Variants in SRGAP1 observed in about 807,000 individuals in gnomAD.
SRGAP1 encodes SLIT-ROBO Rho GTPase activating protein 1, also known as SLIT-ROBO Rho GTPase-activating protein 1.
In SRGAP1, 43 loss-of-function variants were observed where a neutral mutation model predicts 121.9. That is an observed-to-expected ratio of 0.35 (90% CI 0.28 to 0.46). The LOEUF (loss-of-function observed/expected upper bound fraction) is 0.46, where lower values mean the gene tolerates loss of function less well. SRGAP1 is among the 20% of genes least tolerant of loss of function. The pLI is 1.00. For synonymous variants in SRGAP1, 447 were observed against 485.4 expected (o/e 0.92, Z 1.04); for missense variants, 1,102 against 1,350.9 (o/e 0.82, Z 2.89).
rs199791976 is a variant in SRGAP1, at chr12:64,000,276, A to G, written c.426+10204A>G. Among the ~76,000 whole-genome samples, 290 of 56,292 alleles carry G rather than the reference A, an allele frequency of 5.2e-3. 2 individuals are homozygous for G. The highest frequency in any genetic ancestry group is 7.4e-3 in the Non-Finnish European group (179 of 24,084). 36.9% of individuals were successfully genotyped at this position (56,292 alleles called of 152,430 possible). ...TGTGTGTGTGTGTGTGTGTGTGTGT[A>G]AAAAAAAAAAACCAGGATGTTAGGA... On this transcript the variant is annotated intron_variant, in intron 3 of 21. Coordinates refer to ENST00000355086, the MANE Select transcript of SRGAP1 (RefSeq NM_020762.4).
At position 64,001,711 on chromosome 12, in the gene SRGAP1, C is replaced by T. The variant is rs181073653; in HGVS notation, c.426+11639C>T. 3.6e-3 allele frequency among the ~76,000 whole-genome samples: 547 copies of T among 152,284 alleles called. 2 individuals carry two copies. Among genetic ancestry groups the T allele is most frequent in the Non-Finnish European group, 4.9e-3 (330 of 68,032 alleles). ...AAGAAAGAACACAGCCAAGCCAGCTCACAACAGAAGAACCTCCCAGCTGGC... is the reference window on the plus strand; with the variant it reads ...AAGAAAGAACACAGCCAAGCCAGCTTACAACAGAAGAACCTCCCAGCTGGC... On this transcript the variant is annotated intron_variant, in intron 3 of 21. Transcript: ENST00000355086.
At chr12:64,005,256 A>G (rs545159685) in intron 3 of SRGAP1, among the ~76,000 whole-genome samples, 6 of 152,350 alleles carry the variant, frequency 3.9e-5, no homozygotes, top group South Asian at 2.1e-4. Context: ...TAGTAAATAA[A>G]CACAAGCACT....
intron 15 of SRGAP1, among the ~76,000 whole-genome samples, chr12:64,101,733 G>A (rs1030662970): frequency 2.6e-5 from 4 of 152,018 alleles, no homozygotes; most frequent in African/African-American, 4.8e-5. Context: ...GATTTCCTAG[G>A]GCATAAGTTC....
At chr12:63,963,301 T>C (rs61411778) in intron 1 of SRGAP1, among the ~76,000 whole-genome samples, 1,601 of 152,312 alleles carry the variant, frequency 0.011, 37 homozygotes, top group African/African-American at 0.035. Flanking sequence ...TTTAAGTTTT[T>C]CTCGGAACTG....
intron 10 of SRGAP1, among the ~76,000 whole-genome samples, chr12:64,085,735 C>T (rs2035925477): frequency 6.6e-6 from 1 of 152,150 alleles, no homozygotes; most frequent in Admixed American, 6.5e-5. Flanking sequence ...TTTTCTTCTC[C>T]TCCAAGGTAG....
At chr12:63,974,753 C>A (rs926490599) in intron 1 of SRGAP1, among the ~76,000 whole-genome samples, 2 of 152,142 alleles carry the variant, frequency 1.3e-5, no homozygotes, top group Admixed American at 1.3e-4. Context: ...CTTAGGGAGT[C>A]ATATTTTCCT....
At position 64,063,090 on chromosome 12, in the gene SRGAP1, G is replaced by A. The variant is rs745401734; in HGVS notation, c.975G>A (p.Ala325=). 8.7e-6 allele frequency: 14 copies of A among 1,613,912 alleles called. No individual in the cohort carries two copies. Among genetic ancestry groups the A allele is most frequent in the South Asian group, 6.6e-5 (6 of 91,076 alleles). ...KQRFMEMYPA[A]FCPPMKFEFQ... is the part of the protein sequence containing the mutation. ...GATTCATGGAGATGTACCCTGCTGC[G>A]TTCTGTCCACCAATGAAGTTTGAGT... The change falls in exon 7 of 22, where the codon GCG becomes GCA. Residue 325 remains alanine (A), a synonymous_variant. Transcript: ENST00000355086.
chr12:63,861,666 T>C (rs1459651786), intron 1 of SRGAP1, among the ~76,000 whole-genome samples: 1 of 152,166 alleles, frequency 6.6e-6, no homozygotes, highest in East Asian at 1.9e-4. Context: ...TCCATGATTA[T>C]TATTTCTGTG....
At chr12:63,914,200 T>G (rs968642613) in intron 1 of SRGAP1, among the ~76,000 whole-genome samples, 2 of 152,222 alleles carry the variant, frequency 1.3e-5, no homozygotes, top group East Asian at 3.8e-4. Context: ...CATACTGTAA[T>G]TAACGGTTTA....
At position 64,116,341 on chromosome 12, in the gene SRGAP1, A is replaced by G. The variant is rs928545281; in HGVS notation, c.2224+448A>G. On this transcript the variant is annotated intron_variant, in intron 18 of 21. Transcript: ENST00000355086. ...AAAAATAACATTACAATGAAAACCA[A>G]TGAAACCACCACCAAGCTTAAGAAA... 5.9e-5 allele frequency among the ~76,000 whole-genome samples: 9 copies of G among 152,058 alleles called. No individual in the cohort carries two copies. The South Asian group carries it at 1.5e-3, about 25-fold the overall frequency.
At chr12:64,065,638 G>A (rs566224016) in intron 8 of SRGAP1, among the ~76,000 whole-genome samples, 8 of 152,280 alleles carry the variant, frequency 5.3e-5, no homozygotes, top group South Asian at 2.1e-4. Context: ...TCAAACTGCC[G>A]GCTTCAAGCA....
intron 6 of SRGAP1, among the ~76,000 whole-genome samples, chr12:64,049,443 G>A (rs555148579): frequency 3.3e-5 from 5 of 152,178 alleles, no homozygotes; most frequent in African/African-American, 1.2e-4. Flanking sequence ...ATGGCAGCAC[G>A]AAAGAGATGT....
chr12:63,907,744 A>AAC (rs57065178), intron 1 of SRGAP1, among the ~76,000 whole-genome samples: 8 of 151,116 alleles, frequency 5.3e-5, no homozygotes, highest in Non-Finnish European at 8.9e-5. Flanking sequence ...AGTTCAACTT[A>AAC]TTTTTTATTT....
chr12:64,094,161 A>C (rs539562732), intron 12 of SRGAP1, among the ~76,000 whole-genome samples: 1 of 152,238 alleles, frequency 6.6e-6, no homozygotes, highest in African/African-American at 2.4e-5. Flanking sequence ...CTTTAACTTC[A>C]TGGAGTACAT....
At position 64,115,795 on chromosome 12, in the gene SRGAP1, T is replaced by A; in HGVS notation, c.2145-19T>A. On this transcript the variant is annotated intron_variant, in intron 17 of 21. Coordinates refer to ENST00000355086, the MANE Select transcript of SRGAP1 (RefSeq NM_020762.4). ...TTGTCTATTTTAATTTCATATGAAT[T>A]TCCATTTGTATTCTACAGCGACAGC... 1 of 1,606,470 alleles carries A rather than the reference T, an allele frequency of 6.2e-7. No homozygotes were observed. Among genetic ancestry groups the A allele is most frequent in the Non-Finnish European group, 8.5e-7 (1 of 1,175,682 alleles).
intron 21 of SRGAP1, among the ~76,000 whole-genome samples, chr12:64,129,860 A>G (rs1229278159): frequency 1.3e-5 from 2 of 152,264 alleles, no homozygotes; most frequent in Admixed American, 6.5e-5. Context: ...AAAGAAGGAA[A>G]TACTCATGAC....
At chr12:63,911,697 A>C (rs2030511801) in intron 1 of SRGAP1, among the ~76,000 whole-genome samples, 1 of 152,212 alleles carries the variant, frequency 6.6e-6, no homozygotes, top group Non-Finnish European at 1.5e-5. Context: ...ACCATCTCAG[A>C]CTTTAAAATA....
intron 1 of SRGAP1, among the ~76,000 whole-genome samples, chr12:63,869,184 G>T (rs1020856275): frequency 6.6e-6 from 1 of 152,174 alleles, no homozygotes; most frequent in Non-Finnish European, 1.5e-5. Flanking sequence ...AGTTCTGGTT[G>T]CTGGGAAGTC....
intron 1 of SRGAP1, chr12:63,871,836 G>A: frequency 1.4e-6 from 2 of 1,424,690 alleles, no homozygotes; most frequent in Admixed American, 1.7e-5. Context: ...TCTGCAGTTA[G>A]GCTCAACACA....
Sources: allele counts gnomAD v4.1 joint callset (sites outside exome capture counted in the v4.1 genomes callset), GRCh38; gene constraint gnomAD v4.1.1; transcripts MANE v1.5; gene names NCBI Gene and HGNC (gene_info 2026-07-23, HGNC 2026-07-21).